ELMO1: variants seen among roughly 807,000 people sequenced by gnomAD.
ELMO1 encodes engulfment and cell motility 1.
In ELMO1, 26 loss-of-function variants were observed where a neutral mutation model predicts 98.9. That is an observed-to-expected ratio of 0.26 (90% CI 0.19 to 0.36). ELMO1 has a LOEUF of 0.36. Among genes scored for constraint, ELMO1 ranks in the 10% least tolerant of loss-of-function variants. The probability of loss-of-function intolerance (pLI) is 1.00; values close to 1 mark genes in which losing one functional copy is unlikely to be tolerated. For synonymous variants in ELMO1, 346 were observed against 346.0 expected (o/e 1.00, Z 0.00); for missense variants, 627 against 935.2 (o/e 0.67, Z 4.30).
chr7:37,380,104 T>G (rs1396676921), intron 1 of ELMO1, among the ~76,000 whole-genome samples: 1 of 152,208 alleles, frequency 6.6e-6, no homozygotes, highest in Non-Finnish European at 1.5e-5. Context: ...ATGAATTCTG[T>G]GAGGCATAAA....
chr7:37,248,584 A>C (rs749474218), intron 6 of ELMO1, among the ~76,000 whole-genome samples: 2 of 152,250 alleles, frequency 1.3e-5, no homozygotes, highest in Non-Finnish European at 2.9e-5. Flanking sequence ...TGAGCAATGC[A>C]GAGTGCACTG....
At chr7:37,260,635 T>C (rs1484749962) in intron 5 of ELMO1, among the ~76,000 whole-genome samples, 1 of 152,170 alleles carries the variant, frequency 6.6e-6, no homozygotes, top group Admixed American at 6.5e-5. Flanking sequence ...ACAGGGGAAC[T>C]GATGCAATTC....
At chr7:37,006,693 T>C (rs1793149885) in intron 16 of ELMO1, among the ~76,000 whole-genome samples, 1 of 151,376 alleles carries the variant, frequency 6.6e-6, no homozygotes, top group African/African-American at 2.4e-5. Flanking sequence ...AGGGGGAGGG[T>C]GATTGGGGAA....
At chr7:37,309,487 G>C (rs961842216) in intron 4 of ELMO1, among the ~76,000 whole-genome samples, 2 of 152,210 alleles carry the variant, frequency 1.3e-5, no homozygotes, top group Admixed American at 6.5e-5. Flanking sequence ...ACAGGAGCTA[G>C]CCCAGGGCTG....
rs979505356 is a variant in ELMO1 at position 36,918,021 on chromosome 7, C to T, written c.1438-23004G>A. 1.0e-4 allele frequency among the ~76,000 whole-genome samples: 15 copies of T among 146,056 alleles called. No homozygotes were observed. The South Asian group carries it at 3.1e-3, about 30-fold the overall frequency. On this transcript the variant is annotated intron_variant, in intron 16 of 21. Coordinates refer to ENST00000310758, the MANE Select transcript of ELMO1 (RefSeq NM_014800.11). Reference sequence around the variant, plus strand: ...TATCATTTATGTAAATTAAAACAAACACACACAAAAATAATATATAATTTT... The same window carrying T: ...TATCATTTATGTAAATTAAAACAAATACACACAAAAATAATATATAATTTT...
At chr7:37,332,493 T>A (rs1048389160) in intron 2 of ELMO1, among the ~76,000 whole-genome samples, 8 of 152,152 alleles carry the variant, frequency 5.3e-5, no homozygotes, top group African/African-American at 1.9e-4. Flanking sequence ...AGCACCCTCA[T>A]CCGGTCTGAA....
intron 4 of ELMO1, among the ~76,000 whole-genome samples, chr7:37,303,407 G>C (rs1798444186): frequency 6.6e-6 from 1 of 152,068 alleles, no homozygotes; most frequent in Non-Finnish European, 1.5e-5. Context: ...AATATACACA[G>C]TGTATATTTC....
chr7:36,897,336 G>GTGTGTGTGTGTGTGTA lies in ELMO1; in HGVS notation c.1438-2320_1438-2319insTACACACACACACACA, dbSNP rs1554351183. ...ACAAAGAAAACAGACGTGTGTGTGTGTGTGTGTGTGTGTGAAAGAGTGTTA... is the reference window on the plus strand; with the variant it reads ...ACAAAGAAAACAGACGTGTGTGTGTGTGTGTGTGTGTGTGTATGTGTGTGTGTGTGAAAGAGTGTTA... On this transcript the variant is annotated intron_variant, in intron 16 of 21. Transcript: ENST00000310758. Among the ~76,000 whole-genome samples, 265 of 148,326 alleles carry GTGTGTGTGTGTGTGTA rather than the reference G, an allele frequency of 1.8e-3. 7 individuals are homozygous for GTGTGTGTGTGTGTGTA. The South Asian group carries it at 0.029, about 16-fold the overall frequency.
At chr7:36,919,062 T>C (rs1191953683) in intron 16 of ELMO1, among the ~76,000 whole-genome samples, 1 of 152,192 alleles carries the variant, frequency 6.6e-6, no homozygotes, top group African/African-American at 2.4e-5. Context: ...ATGGTTCAGC[T>C]AACTTATAGG....
chr7:36,921,260 G>A (rs1785131556), intron 16 of ELMO1, among the ~76,000 whole-genome samples: 1 of 151,846 alleles, frequency 6.6e-6, no homozygotes. Context: ...TTGAGAAGCA[G>A]TGTGGCCCTG....
chr7:37,054,508 AG>A (rs1562925329), intron 15 of ELMO1, among the ~76,000 whole-genome samples: 1 of 152,234 alleles, frequency 6.6e-6, no homozygotes, highest in African/African-American at 2.4e-5. Context: ...TACAGTTTCA[AG>A]GGGCCATTTT....
chr7:36,969,179 ATATAT>A (rs962574066), intron 16 of ELMO1, among the ~76,000 whole-genome samples: 2 of 151,888 alleles, frequency 1.3e-5, no homozygotes, highest in Non-Finnish European at 2.9e-5. Flanking sequence ...AAAGTATTCT[ATATAT>A]TATATTTTAA....
At chr7:37,218,395 A>G (rs983989013) in intron 10 of ELMO1, among the ~76,000 whole-genome samples, 1 of 152,044 alleles carries the variant, frequency 6.6e-6, no homozygotes, top group African/African-American at 2.4e-5. Context: ...TCCAAGCCCA[A>G]AGTACAATGT....
chr7:37,201,130 A>C (rs1201421823), intron 13 of ELMO1, among the ~76,000 whole-genome samples: 1 of 152,152 alleles, frequency 6.6e-6, no homozygotes, highest in Non-Finnish European at 1.5e-5. Flanking sequence ...TAAAAAATTG[A>C]AAAATGATTC....
At chr7:37,345,790 C>G (rs1236148203) in intron 1 of ELMO1, among the ~76,000 whole-genome samples, 1 of 151,620 alleles carries the variant, frequency 6.6e-6, no homozygotes, top group Non-Finnish European at 1.5e-5. Flanking sequence ...GAGATCGAGA[C>G]CATCCTGGCT....
At chr7:36,985,782 T>C in intron 16 of ELMO1, 5 of 392,274 alleles carry the variant, frequency 1.3e-5, no homozygotes, top group Non-Finnish European at 1.8e-5. Flanking sequence ...CAGAGTCTCC[T>C]ACATCATGGG....
At chr7:37,011,644 G>A (rs993222944) in intron 16 of ELMO1, among the ~76,000 whole-genome samples, 3 of 152,156 alleles carry the variant, frequency 2.0e-5, no homozygotes, top group East Asian at 3.9e-4. Context: ...GCCCAAATCC[G>A]TAACAACTGG....
intron 2 of ELMO1, among the ~76,000 whole-genome samples, chr7:37,329,899 T>C (rs1800011955): frequency 6.6e-6 from 1 of 152,262 alleles, no homozygotes; most frequent in Admixed American, 6.5e-5. Context: ...ATGGCATAGT[T>C]GTTTCTTGAT....
At chr7:37,363,643 G>C (rs762542750) in intron 1 of ELMO1, among the ~76,000 whole-genome samples, 18 of 152,080 alleles carry the variant, frequency 1.2e-4, no homozygotes, top group Non-Finnish European at 2.1e-4. Context: ...CCAGCTACTT[G>C]AAATCACTCT....
Sources: gnomAD v4.1 joint callset for allele counts (sites outside exome capture counted in the v4.1 genomes callset) on GRCh38, gnomAD v4.1.1 for gene constraint, MANE v1.5 for transcripts, NCBI Gene and HGNC (gene_info 2026-07-23, HGNC 2026-07-21) for gene names.